Variants in ELOVL6 observed in about 807,000 individuals in gnomAD.
ELOVL6 encodes the protein ELOVL fatty acid elongase 6, also known as very long chain fatty acid elongase 6.
ELOVL6 carries 8 observed loss-of-function variants against 31.7 expected under a neutral mutation model. The observed-to-expected ratio is 0.25, with a 90% CI of 0.15 to 0.45. ELOVL6 has a LOEUF of 0.45. Among genes scored for constraint, ELOVL6 ranks in the 20% least tolerant of loss-of-function variants. The pLI is 1.00. For synonymous variants in ELOVL6, 101 were observed against 117.7 expected (o/e 0.86, Z 0.92); for missense variants, 126 against 326.4 (o/e 0.39, Z 4.73).
At position 110,054,811 on chromosome 4, in the gene ELOVL6, T is replaced by C. The variant is rs72676977; in HGVS notation, c.374-3049A>G. Among the ~76,000 whole-genome samples the C allele has an allele frequency of 6.8e-3, 1,029 of 152,272 alleles. 10 individuals are homozygous for C. The highest frequency in any genetic ancestry group is 0.017 in the Middle Eastern group (5 of 294). Reference sequence around the variant, plus strand: ...TATCTCAGGTTTAACTGAGATACACTGGGTGTTTCTAGTTACTTTAGGGAG... The same window carrying C: ...TATCTCAGGTTTAACTGAGATACACCGGGTGTTTCTAGTTACTTTAGGGAG... On this transcript the variant is annotated intron_variant, in intron 3 of 3. Coordinates refer to ENST00000302274, the MANE Select transcript of ELOVL6 (RefSeq NM_024090.3).
intron 1 of ELOVL6, among the ~76,000 whole-genome samples, chr4:110,132,391 A>G (rs761216455): frequency 2.6e-5 from 4 of 152,188 alleles, no homozygotes; most frequent in African/African-American, 4.8e-5. Context: ...ATTATTCCAT[A>G]TATTTATTGA....
At chr4:110,114,436 C>G (rs1220369232) in intron 1 of ELOVL6, among the ~76,000 whole-genome samples, 1 of 152,020 alleles carries the variant, frequency 6.6e-6, no homozygotes, top group Non-Finnish European at 1.5e-5. Flanking sequence ...GACATCTAGT[C>G]TAAACTTTTC....
intron 2 of ELOVL6, among the ~76,000 whole-genome samples, chr4:110,084,203 ATATATAACATATAACT>A (rs1756074860): frequency 3.0e-5 from 2 of 67,314 alleles, no homozygotes; most frequent in East Asian, 9.6e-4. Context: ...CTTATATGAT[ATATATAACATATAACT>A]TATATGATAT....
chr4:110,120,113 C>T (rs1476802495), intron 1 of ELOVL6, among the ~76,000 whole-genome samples: 2 of 152,102 alleles, frequency 1.3e-5, no homozygotes, highest in Non-Finnish European at 2.9e-5. Flanking sequence ...CCAAAGCATG[C>T]CCTTTGAGAA....
At chr4:110,122,145 T>C (rs1017206853) in intron 1 of ELOVL6, among the ~76,000 whole-genome samples, 2 of 152,206 alleles carry the variant, frequency 1.3e-5, no homozygotes, top group African/African-American at 4.8e-5. Context: ...TTCAAAATCC[T>C]TAAATCTGAT....
At chr4:110,090,628 C>T (rs1403938861) in intron 2 of ELOVL6, among the ~76,000 whole-genome samples, 3 of 67,128 alleles carry the variant, frequency 4.5e-5, no homozygotes, top group South Asian at 4.1e-4. Context: ...TTTCATGAGA[C>T]GGAGTCTCGC....
intron 2 of ELOVL6, among the ~76,000 whole-genome samples, chr4:110,065,573 A>G (rs372100657): frequency 5.9e-5 from 9 of 152,188 alleles, no homozygotes; most frequent in East Asian, 5.8e-4. Flanking sequence ...GCAATAAGCC[A>G]TAATTGTGCC....
chr4:110,052,849 G>A (rs531023722), intron 3 of ELOVL6, among the ~76,000 whole-genome samples: 2 of 152,282 alleles, frequency 1.3e-5, no homozygotes, highest in African/African-American at 4.8e-5. Context: ...CTATCTCTAT[G>A]GTTATGAGAC....
intron 1 of ELOVL6, among the ~76,000 whole-genome samples, chr4:110,174,773 A>G (rs1759050006): frequency 6.6e-6 from 1 of 152,190 alleles, no homozygotes; most frequent in Non-Finnish European, 1.5e-5. Flanking sequence ...CATGACCTTT[A>G]CCTACATTTT....
chr4:110,118,432 T>C (rs1757250722), intron 1 of ELOVL6, among the ~76,000 whole-genome samples: 1 of 152,186 alleles, frequency 6.6e-6, no homozygotes, highest in African/African-American at 2.4e-5. Context: ...TCACCCAGTA[T>C]GGGACAATGT....
intron 1 of ELOVL6, among the ~76,000 whole-genome samples, chr4:110,151,222 T>A (rs1475412059): frequency 6.6e-6 from 1 of 151,946 alleles, no homozygotes; most frequent in Non-Finnish European, 1.5e-5. Context: ...TTCAGATTTT[T>A]TTTTTTTTGG....
chr4:110,138,203 A>C (rs1039885469), intron 1 of ELOVL6, among the ~76,000 whole-genome samples: 3 of 152,214 alleles, frequency 2.0e-5, no homozygotes, highest in Non-Finnish European at 2.9e-5. Context: ...TGTCTAATAA[A>C]CACCACTGAA....
chr4:110,125,394 G>A (rs559865184), intron 1 of ELOVL6, among the ~76,000 whole-genome samples: 5 of 152,066 alleles, frequency 3.3e-5, no homozygotes, highest in South Asian at 2.1e-4. Context: ...GAGTATCTTC[G>A]TATCTTTATA....
rs532286742 is a variant in ELOVL6 at position 110,142,191 on chromosome 4, C to G, written c.90-36563G>C. Among the ~76,000 whole-genome samples the G allele has an allele frequency of 8.4e-4, 127 of 151,194 alleles. 2 individuals carry two copies. The highest frequency in any genetic ancestry group is 2.8e-3 in the African/African-American group (115 of 41,184). On this transcript the variant is annotated intron_variant, in intron 1 of 3. Transcript: ENST00000302274. Reference sequence around the variant, plus strand: ...GATCACACCATTCTCCTGCCTCAGCCTCCCAAGTAGCTGGGACTACAGGTG... The same window carrying G: ...GATCACACCATTCTCCTGCCTCAGCGTCCCAAGTAGCTGGGACTACAGGTG...
At chr4:110,197,429 C>G (rs1055423379) in intron 1 of ELOVL6, among the ~76,000 whole-genome samples, 4 of 152,144 alleles carry the variant, frequency 2.6e-5, no homozygotes, top group Non-Finnish European at 5.9e-5. Context: ...TAGGGAAGAG[C>G]CCCTAAGGAC....
At chr4:110,164,379 G>A (rs147301761) in intron 1 of ELOVL6, among the ~76,000 whole-genome samples, 1 of 152,142 alleles carries the variant, frequency 6.6e-6, no homozygotes, top group Non-Finnish European at 1.5e-5. Flanking sequence ...GGTTTGTATA[G>A]CATGAGTATT....
chr4:110,064,230 A>G (rs1440411115), intron 2 of ELOVL6, among the ~76,000 whole-genome samples: 1 of 151,290 alleles, frequency 6.6e-6, no homozygotes, highest in Non-Finnish European at 1.5e-5. Flanking sequence ...GACACAATGC[A>G]GCAAGGCGAT....
intron 1 of ELOVL6, among the ~76,000 whole-genome samples, chr4:110,174,255 C>A (rs891698768): frequency 6.6e-6 from 1 of 151,274 alleles, no homozygotes; most frequent in Admixed American, 6.6e-5. Flanking sequence ...CCTCCACCTC[C>A]GCAACTCAAG....
chr4:110,059,782 G>C (rs1755088885), intron 2 of ELOVL6, 28 bp from the exon 3 acceptor site: 1 of 1,584,432 alleles, frequency 6.3e-7, no homozygotes, highest in Non-Finnish European at 8.6e-7. Context: ...AAAAGAAACA[G>C]CATTTAGGAA....
Sources: allele counts gnomAD v4.1 joint callset (sites outside exome capture counted in the v4.1 genomes callset), GRCh38; gene constraint gnomAD v4.1.1; transcripts MANE v1.5; gene names NCBI Gene and HGNC (gene_info 2026-07-23, HGNC 2026-07-21).